PKHD1L1: variants seen among roughly 807,000 people sequenced by gnomAD.
The protein encoded by PKHD1L1 is fibrocystin-L.
Under a neutral mutation model 462.9 loss-of-function variants are expected in PKHD1L1, and 434 were observed. The observed-to-expected ratio is 0.94, with a 90% CI of 0.87 to 1.02. The LOEUF (loss-of-function observed/expected upper bound fraction) is 1.02. PKHD1L1 is among the 50% of genes least tolerant of loss of function. The pLI, the probability that PKHD1L1 is intolerant of heterozygous loss-of-function variation, is 0.00. For synonymous variants in PKHD1L1, 1,781 were observed against 1,750.0 expected (o/e 1.02, Z -0.44); for missense variants, 5,202 against 5,096.1 (o/e 1.02, Z -0.63).
chr8:109,377,006 G>T (rs1811871164), intron 2 of PKHD1L1, among the ~76,000 whole-genome samples: 1 of 152,200 alleles, frequency 6.6e-6, no homozygotes, highest in Admixed American at 6.5e-5. Flanking sequence ...GCACAATGAA[G>T]TCCTGCTTCC....
At chr8:109,417,339 A>AC (rs1227495163) in intron 21 of PKHD1L1, among the ~76,000 whole-genome samples, 4 of 152,154 alleles carry the variant, frequency 2.6e-5, no homozygotes. Flanking sequence ...ATATGTATCC[A>AC]CAAAAAAAAA....
chr8:109,397,511 C>CA (rs1395071438), intron 11 of PKHD1L1, among the ~76,000 whole-genome samples: 1 of 149,090 alleles, frequency 6.7e-6, no homozygotes, highest in South Asian at 2.2e-4. Flanking sequence ...TCTGTCTCTA[C>CA]AAAAAAAGAA....
At chr8:109,364,465 T>C (rs1586351898) in intron 1 of PKHD1L1, 82 bp from the exon 2 acceptor site, 4 of 898,906 alleles carry the variant, frequency 4.4e-6, no homozygotes, top group Non-Finnish European at 5.2e-6. Flanking sequence ...CCTTGCAACC[T>C]TGTGGTATGT....
At chr8:109,461,584 T>C in intron 47 of PKHD1L1, among the ~76,000 whole-genome samples, 188 bp from the exon 48 acceptor site, 1 of 152,172 alleles carries the variant, frequency 6.6e-6, no homozygotes, top group South Asian at 2.1e-4. Context: ...GAATACAAAG[T>C]TGAACAAGAC....
intron 54 of PKHD1L1, 52 bp from the exon 55 acceptor site, chr8:109,479,939 A>T (rs950697099): frequency 1.4e-5 from 21 of 1,467,810 alleles, no homozygotes; most frequent in Middle Eastern, 2.1e-4. Flanking sequence ...ATGTTTTGCT[A>T]TAAGTTGTAG....
At chr8:109,435,716 A>G (rs1029163559) in intron 29 of PKHD1L1, among the ~76,000 whole-genome samples, 1 of 152,202 alleles carries the variant, frequency 6.6e-6, no homozygotes, top group Non-Finnish European at 1.5e-5. Flanking sequence ...ACCCAGACAA[A>G]GTTCTGGGAA....
At position 109,476,542 on chromosome 8, in the gene PKHD1L1, C is replaced by T. The variant is rs769693056; in HGVS notation, c.8792C>T (p.Thr2931Ile). Residue 2931 changes from threonine to isoleucine, a missense_variant, in exon 52 of 78, where the codon ACT (threonine) becomes ATT (isoleucine). Transcript: ENST00000378402. ...TATGTAATTATATCACATAACTTCA[C>T]TCAAAATCCTGACATGTTTAATATT... ...EDYVIISHNF[T>I]QNPDMFNIID... 3 of 1,523,052 alleles carry T rather than the reference C, an allele frequency of 2.0e-6. No homozygotes were observed. The South Asian group carries it at 3.6e-5, about 18-fold the overall frequency. 94.3% of individuals were successfully genotyped at this position (1,523,052 alleles called of 1,614,324 possible).
chr8:109,462,039 T>C (rs1284445342), intron 48 of PKHD1L1, 131 bp downstream of exon 48: 1 of 1,119,180 alleles, frequency 8.9e-7, no homozygotes, highest in Non-Finnish European at 1.2e-6. Context: ...AAGTAAACAA[T>C]TTTAATACAC....
rs60902563 is a variant in PKHD1L1 at position 109,364,646 on chromosome 8, CTT to C, written c.163+27_163+28del. 0.053 allele frequency: 52,521 copies of C among 983,086 alleles called. 3 individuals are homozygous for C. The highest frequency in any genetic ancestry group is 0.074 in the East Asian group (2,439 of 32,948). The allele number at this position is 983,086 out of a possible 1,614,324, so 60.9% of individuals were successfully genotyped here. On this transcript the variant is annotated intron_variant, in intron 2 of 77. Transcript: ENST00000378402. ...ACTATAAGAGGGGAAGGTATCGTTG[CTT>C]TTTTTTTTTTTTTTTTGCCAAGGTT...
chr8:109,441,587 T>C, intron 34 of PKHD1L1, among the ~76,000 whole-genome samples: 1 of 152,172 alleles, frequency 6.6e-6, no homozygotes, highest in East Asian at 1.9e-4. Flanking sequence ...CTTTGCAATT[T>C]CCAACTTCAG....
intron 21 of PKHD1L1, among the ~76,000 whole-genome samples, chr8:109,418,122 T>C (rs574769380): frequency 6.6e-6 from 1 of 152,350 alleles, no homozygotes; most frequent in South Asian, 2.1e-4. Context: ...ATTTTCAGTC[T>C]CCTTTTCCCT....
chr8:109,454,914 A>T (rs905575746), intron 45 of PKHD1L1, 62 bp downstream of exon 45: 1 of 1,521,398 alleles, frequency 6.6e-7, no homozygotes, highest in Non-Finnish European at 8.9e-7. Flanking sequence ...ACCAGGGATA[A>T]TTATCCTGTG....
chr8:109,476,553 G>T lies in PKHD1L1; in HGVS notation c.8803G>T (p.Asp2935Tyr). 6.5e-7 allele frequency: 1 copy of T among 1,538,000 alleles called. No homozygotes were observed. The highest frequency in any genetic ancestry group is 1.2e-5 in the South Asian group (1 of 84,728). The change falls in exon 52 of 78, where the codon GAC becomes TAC. Residue 2935 changes from aspartate (D) to tyrosine (Y), a missense_variant. By Grantham distance (160) the Asp-to-Tyr change is radical. Transcript: ENST00000378402. ...IISHNFTQNP[D>Y]MFNIIDMRNG... is the part of the protein sequence containing the mutation. Reference sequence around the variant, plus strand: ...ATCACATAACTTCACTCAAAATCCTGACATGTTTAATATTATTGATATGAG... The same window carrying T: ...ATCACATAACTTCACTCAAAATCCTTACATGTTTAATATTATTGATATGAG...
rs947429136 is a variant in PKHD1L1, at chr8:109,530,687, A to G, written c.*597A>G. 3.3e-5 allele frequency among the ~76,000 whole-genome samples: 5 copies of G among 151,972 alleles called. No individual in the cohort carries two copies. Among genetic ancestry groups the G allele is most frequent in the Non-Finnish European group, 7.4e-5 (5 of 67,972 alleles). ...TGTCCTGTATTTCTGGATCTGCCCAACTCTGGCCAATATTGGGAAAAGTTT... is the reference window on the plus strand; with the variant it reads ...TGTCCTGTATTTCTGGATCTGCCCAGCTCTGGCCAATATTGGGAAAAGTTT... On this transcript the variant is annotated 3_prime_UTR_variant, in exon 78 of 78. Transcript: ENST00000378402.
rs115414288 is a variant in PKHD1L1 at position 109,464,224 on chromosome 8, T to C, written c.7392T>C (p.His2464=). The C allele has an allele frequency of 3.2e-3, 5,076 of 1,592,556 alleles. 153 individuals are homozygous for C. In the African/African-American group the frequency reaches 0.06, roughly 19 times the overall value. Residue 2464 remains histidine, a synonymous_variant, in exon 49 of 78, where the codon CAT becomes CAC. Coordinates refer to ENST00000378402, the MANE Select transcript of PKHD1L1 (RefSeq NM_177531.6). ...ATTTCTGGGCTTAACAGGTATTCCA[T>C]GCTGGCCAGGCTTTCCGGTTGGGGC... ...TGRIEYVEVF[H]AGQAFRLGRY...
intron 6 of PKHD1L1, among the ~76,000 whole-genome samples, chr8:109,388,209 A>T (rs1442771452): frequency 1.3e-5 from 2 of 152,074 alleles, no homozygotes; most frequent in Admixed American, 1.3e-4. Flanking sequence ...AACACACCAA[A>T]TATGTTATGA....
intron 77 of PKHD1L1, among the ~76,000 whole-genome samples, chr8:109,529,744 A>T (rs1247575733): frequency 6.6e-6 from 1 of 152,150 alleles, no homozygotes; most frequent in Non-Finnish European, 1.5e-5. Flanking sequence ...CCATTAATGG[A>T]TTAAAATGCT....
intron 23 of PKHD1L1, 75 bp from the exon 24 acceptor site, chr8:109,425,010 T>A: frequency 8.1e-7 from 1 of 1,235,166 alleles, no homozygotes; most frequent in East Asian, 2.7e-5. Context: ...CACAGGATTG[T>A]ACCATGATGA....
intron 50 of PKHD1L1, chr8:109,470,688 A>G: frequency 2.5e-6 from 4 of 1,580,716 alleles, no homozygotes; most frequent in Non-Finnish European, 3.5e-6. Context: ...AACAGGAAAA[A>G]GGAATGGCAA....
Sources: gnomAD v4.1 joint callset for allele counts (sites outside exome capture counted in the v4.1 genomes callset) on GRCh38, gnomAD v4.1.1 for gene constraint, MANE v1.5 for transcripts, NCBI Gene and HGNC (gene_info 2026-07-23, HGNC 2026-07-21) for gene names.